The following KCNN2 variants were observed in gnomAD, a reference collection of about 807,000 sequenced individuals.
KCNN2 encodes small conductance calcium-activated potassium channel protein 2.
A neutral mutation model predicts 55.5 loss-of-function variants in KCNN2; 24 were observed. The ratio of observed to expected loss-of-function variants is 0.43; its 90% CI spans 0.31 to 0.61. The LOEUF is 0.61. Ranked by LOEUF, KCNN2 falls within the 20% of genes least tolerant of loss-of-function variation. The pLI, the probability that KCNN2 is intolerant of heterozygous loss-of-function variation, is 0.08. For synonymous variants in KCNN2, 431 were observed against 336.1 expected, an observed-to-expected ratio of 1.28 and a Z score of -3.09; for missense variants, 754 against 853.6, an observed-to-expected ratio of 0.88 and a Z score of 1.45.
chr5:114,339,122 A>G (rs1400189769), intron 2 of KCNN2, among the ~76,000 whole-genome samples: 2 of 152,226 alleles, frequency 1.3e-5, no homozygotes, highest in East Asian at 1.9e-4. Context: ...CCAAACGTAC[A>G]TAAGAGGAAT....
chr5:114,346,769 CAAA>C (rs138308313), intron 2 of KCNN2, among the ~76,000 whole-genome samples: 3 of 136,082 alleles, frequency 2.2e-5, no homozygotes, highest in Non-Finnish European at 4.7e-5. Context: ...ATTCATTCTC[CAAA>C]AAAAAAAAAA....
chr5:114,241,237 T>C (rs1754612773), intron 2 of KCNN2, among the ~76,000 whole-genome samples: 1 of 151,898 alleles, frequency 6.6e-6, no homozygotes, highest in Non-Finnish European at 1.5e-5. Context: ...GAACATTATG[T>C]AATTTAATGT....
intron 2 of KCNN2, among the ~76,000 whole-genome samples, chr5:114,378,445 A>C (rs1374284696): frequency 6.6e-6 from 1 of 152,208 alleles, no homozygotes; most frequent in East Asian, 1.9e-4. Flanking sequence ...TCTGATTTTT[A>C]CTAAGGAAAG....
At chr5:114,147,227 G>T (rs1432461111) in intron 1 of KCNN2, among the ~76,000 whole-genome samples, 1 of 152,142 alleles carries the variant, frequency 6.6e-6, no homozygotes, top group Admixed American at 6.6e-5. Context: ...TCCAGGAAGT[G>T]TTTCGTAGAC....
chr5:114,415,940 C>T (rs1168618461), intron 3 of KCNN2, among the ~76,000 whole-genome samples: 2 of 152,310 alleles, frequency 1.3e-5, no homozygotes, highest in Non-Finnish European at 2.9e-5. Flanking sequence ...GCCAGCTACA[C>T]ACACACAGCT....
At chr5:114,231,489 A>G (rs998617247) in intron 2 of KCNN2, among the ~76,000 whole-genome samples, 3 of 150,390 alleles carry the variant, frequency 2.0e-5, no homozygotes, top group African/African-American at 7.5e-5. Context: ...ATCCAGTTTC[A>G]GCTTTCTACA....
chr5:114,370,841 G>C lies in KCNN2; in HGVS notation c.1218+6840G>C, dbSNP rs189009246. 2.5e-4 allele frequency among the ~76,000 whole-genome samples: 38 copies of C among 152,250 alleles called. No individual in the cohort carries two copies. The East Asian group carries it at 6.9e-3, about 28-fold the overall frequency. On this transcript the variant is annotated intron_variant, in intron 2 of 7. Transcript: ENST00000673685. ...CCGCCCCCCACCCCTCCCACATGCA[G>C]TGGGAAAGTCAGTAAAGAGTTTAAA...
At chr5:114,358,600 T>C (rs1178601132), upstream of KCNN2, among the ~76,000 whole-genome samples, 7 of 152,158 alleles carry the variant, frequency 4.6e-5, no homozygotes, top group Non-Finnish European at 8.8e-5. Context: ...AAGAAGGAAA[T>C]TTAATTTTCT....
chr5:114,215,763 T>A (rs1014443954), intron 1 of KCNN2, among the ~76,000 whole-genome samples: 1 of 152,152 alleles, frequency 6.6e-6, no homozygotes, highest in Non-Finnish European at 1.5e-5. Context: ...AGCCTCCACA[T>A]TATTTGGAAA....
chr5:114,405,436 G>A (rs1758901669), intron 3 of KCNN2, among the ~76,000 whole-genome samples: 1 of 152,194 alleles, frequency 6.6e-6, no homozygotes, highest in African/African-American at 2.4e-5. Flanking sequence ...CGCTCTGGTG[G>A]TCTAGACCTA....
intron 2 of KCNN2, among the ~76,000 whole-genome samples, chr5:114,291,385 T>G (rs1241320512): frequency 6.6e-6 from 1 of 152,014 alleles, no homozygotes; most frequent in Non-Finnish European, 1.5e-5. Context: ...TTCCCCTTCC[T>G]ATGTCCATGT....
In KCNN2 at chr5:114,482,686, G is replaced by GTATACAGC. The variant is rs540359037; in HGVS notation, c.1891-4363_1891-4356dup. On this transcript the variant is annotated intron_variant, in intron 5 of 7. Transcript: ENST00000673685. ...TGTGGTACATATATACCACAGAATA[G>GTATACAGC]TATACAGCCATAAAAAGGAACAAGA... 5.2e-3 allele frequency among the ~76,000 whole-genome samples: 784 copies of GTATACAGC among 152,198 alleles called. 5 individuals carry two copies. Among genetic ancestry groups the GTATACAGC allele is most frequent in the African/African-American group, 0.015 (605 of 41,538 alleles).
chr5:114,217,860 G>T (rs537799608), intron 1 of KCNN2, among the ~76,000 whole-genome samples: 75 of 152,052 alleles, frequency 4.9e-4, no homozygotes, highest in Admixed American at 4.6e-3. Flanking sequence ...ATCTGATAAA[G>T]GCCTGTTATC....
Position 114,301,054 on chromosome 5 carries a change from T to A in KCNN2, c.-184-59891T>A, listed in dbSNP as rs202186661. Among the ~76,000 whole-genome samples, 533 of 98,276 alleles carry A rather than the reference T, an allele frequency of 5.4e-3. 7 individuals carry two copies. The highest frequency in any genetic ancestry group is 0.018 in the African/African-American group (465 of 25,554). 64.5% of individuals were successfully genotyped at this position (98,276 alleles called of 152,430 possible). On this transcript the variant is annotated intron_variant, in intron 2 of 10. Coordinates refer to the KCNN2 transcript ENST00000512097. ...AAGTAAAGTTTCCTTTATTAAATATTTTTTTTTTAATTTTACTTTGTTTTC... is the reference window on the plus strand; with the variant it reads ...AAGTAAAGTTTCCTTTATTAAATATATTTTTTTTAATTTTACTTTGTTTTC...
chr5:114,115,675 T>C (rs539448968), intron 1 of KCNN2, among the ~76,000 whole-genome samples: 3 of 152,036 alleles, frequency 2.0e-5, no homozygotes, highest in East Asian at 3.9e-4. Flanking sequence ...TTGGGAAATG[T>C]TGGCCCACTG....
intron 1 of KCNN2, among the ~76,000 whole-genome samples, chr5:114,095,665 T>C (rs1401113065): frequency 1.3e-5 from 2 of 152,346 alleles, no homozygotes; most frequent in Non-Finnish European, 2.9e-5. Context: ...TTGCATTTTC[T>C]ACCTTGTTTC....
intron 3 of KCNN2, among the ~76,000 whole-genome samples, chr5:114,415,077 T>C (rs1032222832): frequency 1.3e-5 from 2 of 152,230 alleles, no homozygotes; most frequent in Non-Finnish European, 2.9e-5. Flanking sequence ...TCAAATAATA[T>C]ATAGTCTTTT....
chr5:114,141,376 G>A (rs541979899), intron 1 of KCNN2, among the ~76,000 whole-genome samples: 21 of 151,978 alleles, frequency 1.4e-4, no homozygotes, highest in African/African-American at 2.2e-4. Context: ...GAGAACACGC[G>A]GAGTTTGTTT....
chr5:114,370,025 G>A (rs1279167931), intron 2 of KCNN2, among the ~76,000 whole-genome samples: 4 of 152,054 alleles, frequency 2.6e-5, no homozygotes, highest in Non-Finnish European at 5.9e-5. Flanking sequence ...GTTTTAGAGA[G>A]AATTTCTACT....
Sources: gnomAD v4.1 joint callset for allele counts (sites outside exome capture counted in the v4.1 genomes callset) on GRCh38, gnomAD v4.1.1 for gene constraint, MANE v1.5 for transcripts, NCBI Gene and HGNC (gene_info 2026-07-23, HGNC 2026-07-21) for gene names.